GALNT15: variants seen among roughly 807,000 people sequenced by gnomAD.
The protein encoded by GALNT15 is polypeptide N-acetylgalactosaminyltransferase 15.
GALNT15 carries 67 observed loss-of-function variants against 66.8 expected under a neutral mutation model. The observed-to-expected ratio is 1.00, with a 90% CI of 0.82 to 1.23. The LOEUF (loss-of-function observed/expected upper bound fraction) is 1.23, where lower values mean the gene tolerates loss of function less well. Among genes scored for constraint, GALNT15 ranks in the 50% most tolerant of loss-of-function variants. GALNT15 has a pLI of 0.00. For synonymous variants in GALNT15, 313 were observed against 311.5 expected, an observed-to-expected ratio of 1.00 and a Z score of -0.05; for missense variants, 827 against 804.3, an observed-to-expected ratio of 1.03 and a Z score of -0.34.
At chr3:16,222,394 A>C (rs1239780184) in intron 8 of GALNT15, among the ~76,000 whole-genome samples, 1 of 152,208 alleles carries the variant, frequency 6.6e-6, no homozygotes, top group Non-Finnish European at 1.5e-5. Flanking sequence ...AGAATGTATA[A>C]ATATGAATGT....
At chr3:16,223,068 C>T (rs2063964604) in intron 9 of GALNT15, among the ~76,000 whole-genome samples, 1 of 152,108 alleles carries the variant, frequency 6.6e-6, no homozygotes, top group Non-Finnish European at 1.5e-5. Flanking sequence ...GATGGTGAGG[C>T]ATGTTACAAG....
chr3:16,200,962 A>T lies in GALNT15; in HGVS notation c.911+139A>T. On this transcript the variant is annotated intron_variant, in intron 3 of 9. Coordinates refer to ENST00000339732, the MANE Select transcript of GALNT15 (RefSeq NM_054110.5). The surrounding 1 kb of genome is among the most constrained non-coding windows in gnomAD (Gnocchi z 4.4). ...TGATATATTCCCTTCGGGTTTTCAG[A>T]TGTGTAAGTTTTTTAAGACTATAGA... is the stretch of plus-strand genomic sequence containing the variant. The T allele has an allele frequency of 8.2e-6, 5 of 609,374 alleles. No homozygotes were observed. Among genetic ancestry groups the T allele is most frequent in the Non-Finnish European group, 1.1e-5 (4 of 378,390 alleles). 37.7% of individuals were successfully genotyped at this position (609,374 alleles called of 1,614,324 possible).
In GALNT15 at chr3:16,175,478, C is replaced by CCAGG; in HGVS notation, c.328_331dup (p.Gly111AlafsTer19). On this transcript the variant is annotated frameshift_variant, in exon 1 of 10. Transcript: ENST00000339732. LOFTEE classifies it high-confidence loss of function. The surrounding 1 kb of genome is among the most constrained non-coding windows in gnomAD (Gnocchi z 5.6). ...TACCCCAGGCCAGAAGGAACCAGAG[C>CCAGG]CAGGGCAGGAGAGGTGGGAGCTACC... 6.2e-7 allele frequency: 1 copy of CCAGG among 1,613,956 alleles called. No homozygotes were observed. The highest frequency in any genetic ancestry group is 8.5e-7 in the Non-Finnish European group (1 of 1,179,908).
chr3:16,247,343 A>T, the GALNT15 span, among the ~76,000 whole-genome samples: 1 of 152,212 alleles, frequency 6.6e-6, no homozygotes, highest in Admixed American at 6.5e-5. Flanking sequence ...GGTGATTTTC[A>T]TCATGTCTAA....
At chr3:16,231,757 CCTCTCT>C (rs144081488), downstream of GALNT15, 1 of 1,447,750 alleles carries the variant, frequency 6.9e-7, no homozygotes, top group Non-Finnish European at 9.4e-7. The surrounding 1 kb of genome is among the most constrained non-coding windows in gnomAD (Gnocchi z 4.1). Flanking sequence ...TACAGTCCTT[CCTCTCT>C]CTCTCCCTCC....
At chr3:16,216,998 A>C (rs1286006813) in intron 6 of GALNT15, among the ~76,000 whole-genome samples, 1 of 152,172 alleles carries the variant, frequency 6.6e-6, no homozygotes, top group Non-Finnish European at 1.5e-5. Context: ...CCAACACCTG[A>C]TGGTGGCCTG....
Position 16,200,599 on chromosome 3 carries a change from C to T in GALNT15, c.707-20C>T, listed in dbSNP as rs746085597. 11 of 1,497,426 alleles carry T rather than the reference C, an allele frequency of 7.3e-6. No individual in the cohort carries two copies. In the African/African-American group the frequency reaches 1.4e-4, roughly 19 times the overall value. The allele number at this position is 1,497,426 out of a possible 1,614,324, so 92.8% of individuals were successfully genotyped here. On this transcript the variant is annotated intron_variant, in intron 2 of 9. Coordinates refer to ENST00000339732, the MANE Select transcript of GALNT15 (RefSeq NM_054110.5). This position sits in a 1 kb window ranked among gnomAD's most constrained non-coding sequence, Gnocchi z 4.4. ...TTGTGGCATTTGTCATTCCACTGAC[C>T]ACAACCCTGTTGATTCCAGGACAAC...
intron 3 of GALNT15, among the ~76,000 whole-genome samples, chr3:16,202,756 C>G (rs534916958): frequency 6.6e-6 from 1 of 152,180 alleles, no homozygotes; most frequent in South Asian, 2.1e-4. Context: ...TTGATCTTGC[C>G]CATTTCCCAT....
rs764363495 is a variant in GALNT15, at chr3:16,200,725, C to G, written c.813C>G (p.Ala271=). The G allele has an allele frequency of 1.9e-6, 3 of 1,612,010 alleles. No homozygotes were observed. In the African/African-American group the frequency reaches 4.0e-5, roughly 22 times the overall value. The change falls in exon 3 of 10, where the codon GCC becomes GCG. Residue 271 remains alanine, a synonymous_variant. Coordinates refer to ENST00000339732, the MANE Select transcript of GALNT15 (RefSeq NM_054110.5). This position sits in a 1 kb window ranked among gnomAD's most constrained non-coding sequence, Gnocchi z 4.4. ...CCATCAGGGCCCGGATGCTGGGGGCCACCAGAGCCACCGGGGATGTGCTCG... is the reference window on the plus strand; with the variant it reads ...CCATCAGGGCCCGGATGCTGGGGGCGACCAGAGCCACCGGGGATGTGCTCG... The part of the protein sequence containing the change: ...LGAIRARMLG[A]TRATGDVLVF...
intron 2 of GALNT15, among the ~76,000 whole-genome samples, chr3:16,196,849 T>C (rs2063644146): frequency 5.3e-5 from 8 of 151,912 alleles, no homozygotes; most frequent in Admixed American, 5.2e-4. Context: ...ATCAGAACGC[T>C]CTGAGGGAAG....
chr3:16,205,665 C>T (rs2063748904), intron 3 of GALNT15, among the ~76,000 whole-genome samples: 2 of 152,310 alleles, frequency 1.3e-5, no homozygotes, highest in African/African-American at 2.4e-5. Flanking sequence ...TCGGTAGGTA[C>T]AAAACCACAA....
At position 16,203,543 on chromosome 3, in the gene GALNT15, T is replaced by TCTCTCACACA. The variant is rs1491187404; in HGVS notation, c.911+2721_911+2722insTCTCACACAC. Among the ~76,000 whole-genome samples the TCTCTCACACA allele has an allele frequency of 7.2e-4, 44 of 61,162 alleles. No homozygotes were observed. Among genetic ancestry groups the TCTCTCACACA allele is most frequent in the South Asian group, 1.9e-3 (3 of 1,550 alleles). 40.1% of individuals were successfully genotyped at this position (61,162 alleles called of 152,430 possible). A position where few individuals can be genotyped will look rare whatever the true frequency, so the allele number is the denominator to read the frequency against. On this transcript the variant is annotated intron_variant, in intron 3 of 9. Transcript: ENST00000339732. This position sits in a 1 kb window ranked among gnomAD's most constrained non-coding sequence, Gnocchi z 6.2. ...CATTCTCTCTCTCTCTCTCTCTCTC[T>TCTCTCACACA]CACACACACACACACACACACACAC...
At chr3:16,206,562 A>ACT (rs1383508702) in intron 3 of GALNT15, among the ~76,000 whole-genome samples, 4 of 150,590 alleles carry the variant, frequency 2.7e-5, no homozygotes, top group Non-Finnish European at 5.9e-5. Context: ...AGTCCCAGCT[A>ACT]CTTGGGAGGC....
chr3:16,207,898 G>T (rs938395114), intron 3 of GALNT15, among the ~76,000 whole-genome samples: 1 of 152,176 alleles, frequency 6.6e-6, no homozygotes, highest in African/African-American at 2.4e-5. Context: ...GCTGAGAAAG[G>T]CCTTTGTGGG....
In GALNT15 at chr3:16,188,148, C is replaced by A. The variant is rs2063536363; in HGVS notation, c.540-7612C>A. Among the ~76,000 whole-genome samples, 1 of 152,202 alleles carries A rather than the reference C, an allele frequency of 6.6e-6. No individual in the cohort carries two copies. The highest frequency in any genetic ancestry group is 1.5e-5 in the Non-Finnish European group (1 of 68,040). On this transcript the variant is annotated intron_variant, in intron 1 of 9. Transcript: ENST00000339732. This position sits in a 1 kb window ranked among gnomAD's most constrained non-coding sequence, Gnocchi z 4.6. ...TAGCCTCACGCTCTTCCCCCCAGAC[C>A]ATTATCCTGGCTCCGGCTGTATATA...
intron 1 of GALNT15, among the ~76,000 whole-genome samples, chr3:16,185,992 T>A (rs984744408): frequency 2.0e-5 from 3 of 152,096 alleles, no homozygotes; most frequent in Admixed American, 1.3e-4. Flanking sequence ...AAAGATGTCA[T>A]CAAGAAAGTG....
At chr3:16,241,873 A>T in the GALNT15 span, among the ~76,000 whole-genome samples, 1 of 152,100 alleles carries the variant, frequency 6.6e-6, no homozygotes, top group Non-Finnish European at 1.5e-5. This position sits in a 1 kb window ranked among gnomAD's most constrained non-coding sequence, Gnocchi z 4.6. Context: ...ATGGCTCATG[A>T]TCAACTAGGC....
chr3:16,213,787 C>T (rs1403560636), intron 6 of GALNT15, among the ~76,000 whole-genome samples: 4 of 152,324 alleles, frequency 2.6e-5, no homozygotes, highest in South Asian at 4.1e-4. Context: ...AATGGAAGGA[C>T]ATGCCTGAGT....
chr3:16,214,595 T>C (rs942014643), intron 6 of GALNT15, among the ~76,000 whole-genome samples: 4 of 152,230 alleles, frequency 2.6e-5, no homozygotes, highest in South Asian at 4.2e-4. Context: ...TGCCAGGCCC[T>C]GGGTGGGTCC....
Sources: allele counts gnomAD v4.1 joint callset (sites outside exome capture counted in the v4.1 genomes callset), GRCh38; gene constraint gnomAD v4.1.1; non-coding constraint Gnocchi (gnomAD v3.1); transcripts MANE v1.5; gene names NCBI Gene and HGNC (gene_info 2026-07-23, HGNC 2026-07-21).